The following SENP1 variants were observed in gnomAD, a reference collection of about 807,000 sequenced individuals.
The protein encoded by SENP1 is sentrin-specific protease 1.
Under a neutral mutation model 93.0 loss-of-function variants are expected in SENP1, and 21 were observed. The ratio of observed to expected loss-of-function variants is 0.23; its 90% CI spans 0.16 to 0.33. The LOEUF (loss-of-function observed/expected upper bound fraction) is 0.33. Ranked by LOEUF, SENP1 falls within the 10% of genes least tolerant of loss-of-function variation. SENP1 has a pLI of 1.00. For synonymous variants in SENP1, 256 were observed against 259.6 expected, an observed-to-expected ratio of 0.99 and a Z score of 0.13; for missense variants, 591 against 758.7, an observed-to-expected ratio of 0.78 and a Z score of 2.60.
In SENP1 at chr12:48,065,680, T is replaced by C. The variant is rs1423303311; in HGVS notation, c.1035A>G (p.Leu345=). ...FFQAELWIKE[L]TSVYDSRARE... Reference sequence around the variant, plus strand: ...GTGCTCGAGAATCATAAACACTAGTTCTAGAAAATGAAAAGGAACGTGACC... The same window carrying C: ...GTGCTCGAGAATCATAAACACTAGTCCTAGAAAATGAAAAGGAACGTGACC... Residue 345 remains leucine, a splice_region_variant and synonymous_variant, in exon 11 of 18, where the codon TTA becomes TTG. Transcript: ENST00000549518. 1.9e-6 allele frequency: 3 copies of C among 1,551,404 alleles called. No homozygotes were observed. The highest frequency in any genetic ancestry group is 3.9e-5 in the Admixed American group (2 of 51,386).
intron 17 of SENP1, 56 bp downstream of exon 17, chr12:48,046,300 C>T (rs1429322541): frequency 5.8e-6 from 7 of 1,199,402 alleles, no homozygotes; most frequent in Non-Finnish European, 7.5e-6. Context: ...AAAACATCTA[C>T]AGGGCAGCTT....
intron 9 of SENP1, among the ~76,000 whole-genome samples, chr12:48,070,685 G>C (rs1943627179): frequency 6.6e-6 from 1 of 152,300 alleles, no homozygotes; most frequent in South Asian, 2.1e-4. Flanking sequence ...TTAATTCAAT[G>C]TCTGATAAAC....
intron 13 of SENP1, among the ~76,000 whole-genome samples, chr12:48,056,176 T>C (rs1424126947): frequency 2.6e-5 from 3 of 114,328 alleles, no homozygotes; most frequent in Non-Finnish European, 4.8e-5. Flanking sequence ...TATTATTTTA[T>C]ATATATTATT....
chr12:48,045,523 T>C, intron 17 of SENP1, 139 bp from the exon 18 acceptor site: 1 of 664,168 alleles, frequency 1.5e-6, no homozygotes, highest in South Asian at 2.0e-5. Context: ...TATTCATTCT[T>C]GGTTACATGT....
chr12:48,094,589 T>G (rs11832455), intron 4 of SENP1, among the ~76,000 whole-genome samples: 79,014 of 151,560 alleles, frequency 0.52, 20,902 homozygotes, highest in East Asian at 0.83. Context: ...CTGAGGCAGG[T>G]GAATTGCTTG....
intron 6 of SENP1, among the ~76,000 whole-genome samples, chr12:48,082,135 C>T (rs1463961721): frequency 1.3e-5 from 2 of 151,482 alleles, no homozygotes; most frequent in Admixed American, 6.6e-5. Flanking sequence ...GTGATCCGCC[C>T]GTCTCAGCCT....
chr12:48,055,812 C>A, intron 13 of SENP1, among the ~76,000 whole-genome samples: 1 of 140,770 alleles, frequency 7.1e-6, no homozygotes, highest in African/African-American at 2.6e-5. Context: ...TAAAATATAT[C>A]ATATTAATAT....
In SENP1 at chr12:48,088,761, C is replaced by G. The variant is rs775893968; in HGVS notation, c.380+40G>C. On this transcript the variant is annotated intron_variant, in intron 5 of 17. Transcript: ENST00000549518. ...ACCTTTTAGTCACTTTCTCTTATGT[C>G]TGAGGAAGGGCTTGAGAACTAAGAT... The G allele has an allele frequency of 2.5e-6, 4 of 1,577,470 alleles. No homozygotes were observed. In the African/African-American group the frequency reaches 4.1e-5, roughly 16 times the overall value.
intron 5 of SENP1, chr12:48,085,355 T>C (rs1036787055): frequency 7.7e-6 from 11 of 1,422,302 alleles, no homozygotes; most frequent in Admixed American, 1.7e-5. Context: ...AGCACCCATA[T>C]GAGGACGCCA....
At chr12:48,085,091 G>T (rs1188304695) in intron 5 of SENP1, 1 of 1,375,470 alleles carries the variant, frequency 7.3e-7, no homozygotes, top group Non-Finnish European at 1.0e-6. Flanking sequence ...TCATCGCAGT[G>T]ATCAGAGACA....
chr12:48,052,246 TC>T lies in SENP1; in HGVS notation c.1408-3115del, dbSNP rs1355485387. 7.2e-5 allele frequency among the ~76,000 whole-genome samples: 11 copies of T among 152,314 alleles called. No homozygotes were observed. The East Asian group carries it at 2.1e-3, about 29-fold the overall frequency. ...CCAATGCTATTTGTATCTTCCTTCT[TC>T]CCCAGTAAACCAGCCAAACTATTGT... On this transcript the variant is annotated intron_variant, in intron 13 of 17. Transcript: ENST00000549518.
intron 9 of SENP1, among the ~76,000 whole-genome samples, chr12:48,069,084 C>G (rs1224752145): frequency 1.6e-5 from 2 of 123,614 alleles, no homozygotes; most frequent in East Asian, 5.6e-4. Context: ...ACCCGGGAGG[C>G]GGAGGTTGCA....
Position 48,074,773 on chromosome 12 carries a change from TCTTTC to T in SENP1, c.568_572del (p.Glu190ArgfsTer33). On this transcript the variant is annotated frameshift_variant, in exon 7 of 18. Coordinates refer to ENST00000549518, the MANE Select transcript of SENP1 (RefSeq NM_001267594.2). LOFTEE classifies it high-confidence loss of function. ...TCTGTAGCAGCTGTCTGTAAATCTCTCTTTCTTCTTCTTGAACTGTCTATAAGAAA... is the reference window on the plus strand; with the variant it reads ...TCTGTAGCAGCTGTCTGTAAATCTCTTTCTTCTTGAACTGTCTATAAGAAA... 1 of 1,609,376 alleles carries T rather than the reference TCTTTC, an allele frequency of 6.2e-7. No homozygotes were observed. The highest frequency in any genetic ancestry group is 8.5e-7 in the Non-Finnish European group (1 of 1,177,198).
chr12:48,103,959 T>A (rs145419320), intron 1 of SENP1, among the ~76,000 whole-genome samples: 1 of 152,064 alleles, frequency 6.6e-6, no homozygotes, highest in African/African-American at 2.4e-5. Flanking sequence ...ACACCTGTAA[T>A]CCCAGAACTT....
At chr12:48,084,244 C>T (rs752638166) in intron 5 of SENP1, among the ~76,000 whole-genome samples, 4 of 152,070 alleles carry the variant, frequency 2.6e-5, no homozygotes, top group Non-Finnish European at 2.9e-5. Context: ...TTTTAAATTT[C>T]CTTAAAGACC....
intron 1 of SENP1, among the ~76,000 whole-genome samples, chr12:48,103,672 T>A (rs1391141356): frequency 6.6e-6 from 1 of 151,950 alleles, no homozygotes; most frequent in Non-Finnish European, 1.5e-5. Flanking sequence ...GTTTTCTTTT[T>A]AAAAAAAATG....
chr12:48,056,451 T>G (rs190899033), intron 13 of SENP1, among the ~76,000 whole-genome samples: 2,194 of 108,982 alleles, frequency 0.02, 26 homozygotes, highest in Non-Finnish European at 0.028. Flanking sequence ...ATTTAATATA[T>G]TACATATTAC....
At chr12:48,071,532 C>G (rs1021087917) in intron 9 of SENP1, 135 bp downstream of exon 9, 13 of 561,950 alleles carry the variant, frequency 2.3e-5, no homozygotes, top group African/African-American at 1.9e-4. Context: ...AGAAGAATTG[C>G]TTGAACCAGG....
intron 13 of SENP1, chr12:48,055,137 G>T: frequency 3.8e-6 from 1 of 261,290 alleles, no homozygotes; most frequent in South Asian, 6.1e-5. Flanking sequence ...TCTTGCGCTT[G>T]GCAGGGGAGC....
Sources: gnomAD v4.1 joint callset for allele counts (sites outside exome capture counted in the v4.1 genomes callset) on GRCh38, gnomAD v4.1.1 for gene constraint, MANE v1.5 for transcripts, NCBI Gene and HGNC (gene_info 2026-07-23, HGNC 2026-07-21) for gene names.